The following VPS13D variants were observed in gnomAD, a reference collection of about 807,000 sequenced individuals.
The protein encoded by VPS13D is vacuolar protein sorting 13 homolog D, also known as intermembrane lipid transfer protein VPS13D.
A neutral mutation model predicts 461.9 loss-of-function variants in VPS13D; 187 were observed. That is an observed-to-expected ratio of 0.40 (90% CI 0.36 to 0.46). VPS13D has a LOEUF of 0.46. Among genes scored for constraint, VPS13D ranks in the 20% least tolerant of loss-of-function variants. The probability of loss-of-function intolerance (pLI) is 0.60; values close to 1 mark genes in which losing one functional copy is unlikely to be tolerated. For synonymous variants in VPS13D, 1,951 were observed against 1,986.3 expected (o/e 0.98, Z 0.47); for missense variants, 4,711 against 5,364.9 (o/e 0.88, Z 3.81).
intron 62 of VPS13D, 75 bp from the exon 63 acceptor site, chr1:12,403,750 G>T: frequency 7.1e-7 from 1 of 1,400,976 alleles, no homozygotes. Context: ...TTTTCTATGT[G>T]AATACAAAGT....
chr1:12,403,711 G>T, intron 62 of VPS13D, 114 bp from the exon 63 acceptor site: 1 of 1,013,210 alleles, frequency 9.9e-7, no homozygotes, highest in Non-Finnish European at 1.4e-6. Flanking sequence ...AATCGAGAGT[G>T]ATAGATGGTT....
intron 21 of VPS13D, among the ~76,000 whole-genome samples, chr1:12,286,873 C>T (rs1437655130): frequency 6.6e-6 from 1 of 151,986 alleles, no homozygotes; most frequent in Non-Finnish European, 1.5e-5. Flanking sequence ...TTTATTTTAT[C>T]TTTTTGAGAC....
At chr1:12,240,083 C>T (rs1404997612) in intron 2 of VPS13D, among the ~76,000 whole-genome samples, 1 of 152,130 alleles carries the variant, frequency 6.6e-6, no homozygotes, top group African/African-American at 2.4e-5. Context: ...TTGCCAGATT[C>T]ATTTGCTTTT....
chr1:12,506,274 G>A (rs1460990228), intron 68 of VPS13D, among the ~76,000 whole-genome samples: 1 of 152,236 alleles, frequency 6.6e-6, no homozygotes, highest in Non-Finnish European at 1.5e-5. Flanking sequence ...AGCTCCTGAA[G>A]TAACAACTAG....
chr1:12,246,296 G>A (rs779297894), intron 5 of VPS13D, among the ~76,000 whole-genome samples: 1 of 152,160 alleles, frequency 6.6e-6, no homozygotes, highest in Non-Finnish European at 1.5e-5. Context: ...GTGGCTTTCA[G>A]GTCCTTAAGA....
At chr1:12,307,143 T>G (rs1318560718) in intron 26 of VPS13D, among the ~76,000 whole-genome samples, 1 of 152,254 alleles carries the variant, frequency 6.6e-6, no homozygotes, top group Non-Finnish European at 1.5e-5. Flanking sequence ...CCAGGTGTTA[T>G]GATATTTTAT....
At chr1:12,292,024 T>C (rs1018790425) in intron 23 of VPS13D, among the ~76,000 whole-genome samples, 4 of 152,118 alleles carry the variant, frequency 2.6e-5, no homozygotes, top group Non-Finnish European at 5.9e-5. Flanking sequence ...TCTGGGAGGC[T>C]GAGGGAGGCA....
At chr1:12,398,745 C>T (rs576520552) in intron 60 of VPS13D, among the ~76,000 whole-genome samples, 3 of 152,270 alleles carry the variant, frequency 2.0e-5, no homozygotes, top group South Asian at 4.2e-4. Flanking sequence ...GTTTCGTTCC[C>T]GAGAAGGGAG....
chr1:12,456,098 A>G lies in VPS13D; in HGVS notation c.12434A>G (p.His4145Arg). Reference sequence around the variant, plus strand: ...TACCATGCAGCCACAAGTGGTGAACACCTTGTAGCCGGCATCCATGGCCTG... The same window carrying G: ...TACCATGCAGCCACAAGTGGTGAACGCCTTGTAGCCGGCATCCATGGCCTG... ...IRYHAATSGEHLVAGIHGLAH... is the reference protein window; with the variant it reads ...IRYHAATSGERLVAGIHGLAH... The change falls in exon 66 of 70, where the codon CAC becomes CGC. Residue 4145 changes from histidine (H) to arginine (R), a missense_variant. His to Arg is a conservative substitution (Grantham distance 29, BLOSUM62 0). Around this residue, in one of 3 missense-constraint regions of VPS13D, gnomAD observed 106 missense variants for 206.2 expected, o/e 0.51. Transcript: ENST00000620676. 2 of 1,613,676 alleles carry G rather than the reference A, an allele frequency of 1.2e-6. No individual in the cohort carries two copies. The highest frequency in any genetic ancestry group is 1.7e-6 in the Non-Finnish European group (2 of 1,179,806).
intron 61 of VPS13D, among the ~76,000 whole-genome samples, chr1:12,400,962 GCACACACACACACACACACA>G (rs55998605): frequency 6.6e-5 from 7 of 106,218 alleles, no homozygotes; most frequent in South Asian, 3.7e-4. Context: ...CTGCGCGCGC[GCACACACACACACACACACA>G]CACACACACA....
At chr1:12,274,207 A>C (rs1413937216) in intron 18 of VPS13D, among the ~76,000 whole-genome samples, 1 of 152,048 alleles carries the variant, frequency 6.6e-6, no homozygotes, top group Non-Finnish European at 1.5e-5. Flanking sequence ...TGCCCAGCTA[A>C]TTTTTGTATC....
intron 55 of VPS13D, among the ~76,000 whole-genome samples, chr1:12,375,057 A>G (rs1368153648): frequency 1.3e-5 from 2 of 152,164 alleles, no homozygotes; most frequent in South Asian, 2.1e-4. Context: ...TTTGATGCTC[A>G]GTTTTTCTTA....
In VPS13D at chr1:12,385,385, A is replaced by C. The variant is rs998208170; in HGVS notation, c.11484+12A>C. 6.3e-7 allele frequency: 1 copy of C among 1,585,348 alleles called. No individual in the cohort carries two copies. The highest frequency in any genetic ancestry group is 8.6e-7 in the Non-Finnish European group (1 of 1,166,248). On this transcript the variant is annotated intron_variant, in intron 59 of 69. Coordinates refer to ENST00000620676, the MANE Select transcript of VPS13D (RefSeq NM_015378.4). ...AGCAGGAATTGGAAGTAAGGTCTAAATATTGTGAATTTATTTATTTGATCA... is the reference window on the plus strand; with the variant it reads ...AGCAGGAATTGGAAGTAAGGTCTAACTATTGTGAATTTATTTATTTGATCA...
In VPS13D at chr1:12,341,853, G is replaced by T. The variant is rs1173326691; in HGVS notation, c.8700G>T (p.Leu2900Phe). 1.9e-6 allele frequency: 3 copies of T among 1,613,962 alleles called. No homozygotes were observed. The African/African-American group carries it at 4.0e-5, about 22-fold the overall frequency. Residue 2900 changes from leucine (L) to phenylalanine (F), a missense_variant, in exon 41 of 70, where the codon TTG (leucine) becomes TTT (phenylalanine). Transcript: ENST00000620676. ...FALRNHTGCTLWFATLTTTPT... is the reference protein window; with the variant it reads ...FALRNHTGCTFWFATLTTTPT... ...TGAGGAACCACACGGGGTGCACTTT[G>T]TGGTTTGCCACCCTGACCACCACAC...
intron 63 of VPS13D, among the ~76,000 whole-genome samples, chr1:12,405,189 G>A (rs1644636135): frequency 6.6e-6 from 1 of 152,232 alleles, no homozygotes; most frequent in African/African-American, 2.4e-5. Flanking sequence ...GCCACAACCC[G>A]CTCCAGCCGC....
intron 42 of VPS13D, 79 bp from the exon 43 acceptor site, chr1:12,345,295 C>A: frequency 6.7e-7 from 1 of 1,502,510 alleles, no homozygotes; most frequent in Non-Finnish European, 9.0e-7. Context: ...TGTACTAAAT[C>A]AGATTTGTGT....
chr1:12,423,650 C>T (rs1040775038), intron 65 of VPS13D, among the ~76,000 whole-genome samples: 1 of 152,222 alleles, frequency 6.6e-6, no homozygotes, highest in African/African-American at 2.4e-5. Flanking sequence ...CTTTCACCAG[C>T]CCTTTGTCCC....
At chr1:12,455,185 C>T (rs562433505) in intron 65 of VPS13D, among the ~76,000 whole-genome samples, 118 of 152,288 alleles carry the variant, frequency 7.7e-4, no homozygotes, top group African/African-American at 2.7e-3. Context: ...CCATCGATTT[C>T]GTTTTTGGCT....
At chr1:12,237,206 T>C (rs938655798) in intron 2 of VPS13D, among the ~76,000 whole-genome samples, 2 of 151,682 alleles carry the variant, frequency 1.3e-5, no homozygotes, top group African/African-American at 2.4e-5. Context: ...GTAACATGAG[T>C]GTTTAAGAAT....
Sources: gnomAD v4.1 joint callset for allele counts (sites outside exome capture counted in the v4.1 genomes callset) on GRCh38, gnomAD v4.1.1 for gene constraint, gnomAD v4.1.1 regional missense constraint, MANE v1.5 for transcripts, NCBI Gene and HGNC (gene_info 2026-07-23, HGNC 2026-07-21) for gene names.